Variants in RASA3 observed in about 807,000 individuals in gnomAD.
The protein encoded by RASA3 is ras GTPase-activating protein 3.
RASA3 carries 73 observed loss-of-function variants against 110.0 expected under a neutral mutation model. The ratio of observed to expected loss-of-function variants is 0.66; its 90% CI spans 0.55 to 0.81. The LOEUF (loss-of-function observed/expected upper bound fraction) is 0.81. Among genes scored for constraint, RASA3 ranks in the 30% least tolerant of loss-of-function variants. The pLI is 0.00. For missense variants in RASA3, 976 were observed against 1,113.2 expected (o/e 0.88, Z 1.75); for synonymous variants, 500 against 451.4 (o/e 1.11, Z -1.37).
chr13:114,021,458 C>T lies in RASA3; in HGVS notation c.731G>A (p.Gly244Glu). ...SNLKFGDEFL[G>E]ELRIPLKVLR... ...GACTTTCAACGGGATCCTTAGTTCT[C>T]CCAGGAATTCATCTCCAAACTTCAG... Residue 244 changes from glycine (G) to glutamate (E), a missense_variant, in exon 9 of 24, where the codon GGA (glycine) becomes GAA (glutamate). By Grantham distance (98) the Gly-to-Glu change is moderately conservative. Coordinates refer to ENST00000334062, the MANE Select transcript of RASA3 (RefSeq NM_007368.4). 6.2e-7 allele frequency: 1 copy of T among 1,614,016 alleles called. No individual in the cohort carries two copies. Among genetic ancestry groups the T allele is most frequent in the Non-Finnish European group, 8.5e-7 (1 of 1,180,016 alleles).
At chr13:114,074,114 CTTTAT>C (rs761153133) in intron 1 of RASA3, among the ~76,000 whole-genome samples, 2 of 152,344 alleles carry the variant, frequency 1.3e-5, no homozygotes, top group South Asian at 2.1e-4. Context: ...GCATTAGTCC[CTTTAT>C]TTTAATTTTT....
chr13:114,036,521 G>A (rs1276205105), intron 4 of RASA3, among the ~76,000 whole-genome samples: 1 of 152,118 alleles, frequency 6.6e-6, no homozygotes, highest in Non-Finnish European at 1.5e-5. Context: ...GACTGGAGTT[G>A]TGGGGTTTTT....
intron 1 of RASA3, among the ~76,000 whole-genome samples, chr13:114,074,444 G>C (rs2079633408): frequency 6.6e-6 from 1 of 152,238 alleles, no homozygotes; most frequent in Non-Finnish European, 1.5e-5. Context: ...TGTGGCCGCT[G>C]ACTGGATTCC....
rs893110856 is a variant in RASA3, at chr13:113,978,989, G to C, written c.*358C>G. Reference sequence around the variant, plus strand: ...CGAGACTGACGCACACACGGCCGGAGGTGCATGTCACAGTCGACTAGACGG... The same window carrying C: ...CGAGACTGACGCACACACGGCCGGACGTGCATGTCACAGTCGACTAGACGG... On this transcript the variant is annotated 3_prime_UTR_variant, in exon 24 of 24. Transcript: ENST00000334062. 1 of 317,862 alleles carries C rather than the reference G, an allele frequency of 3.1e-6. No homozygotes were observed. The highest frequency in any genetic ancestry group is 4.5e-5 in the Admixed American group (1 of 22,266). 19.7% of individuals were successfully genotyped at this position (317,862 alleles called of 1,614,324 possible). A position where few individuals can be genotyped will look rare whatever the true frequency, so the allele number is the denominator to read the frequency against.
chr13:114,120,111 CCCCT>C (rs1310322601), intron 1 of RASA3, among the ~76,000 whole-genome samples: 2 of 34,552 alleles, frequency 5.8e-5, no homozygotes, highest in Non-Finnish European at 1.2e-4. Context: ...GATCAGGGCC[CCCCT>C]CCCCTCTCCA....
At chr13:114,082,392 C>T (rs1042076501) in intron 1 of RASA3, among the ~76,000 whole-genome samples, 4 of 152,224 alleles carry the variant, frequency 2.6e-5, no homozygotes, top group African/African-American at 7.2e-5. Flanking sequence ...CCTGGGGAAC[C>T]CTAGTCTCTT....
At chr13:114,116,894 G>A (rs2080284943) in intron 1 of RASA3, among the ~76,000 whole-genome samples, 1 of 132,864 alleles carries the variant, frequency 7.5e-6, no homozygotes, top group African/African-American at 2.7e-5. Context: ...GGGTGCACGT[G>A]TGTGAGGGGT....
intron 2 of RASA3, among the ~76,000 whole-genome samples, chr13:114,060,672 C>T (rs144535155): frequency 2.2e-3 from 335 of 152,340 alleles, no homozygotes; most frequent in Middle Eastern, 0.02. Flanking sequence ...AGGCGAGAGG[C>T]GGGCAGGACG....
At chr13:114,131,350 T>G (rs2080515991) in intron 1 of RASA3, among the ~76,000 whole-genome samples, 1 of 151,918 alleles carries the variant, frequency 6.6e-6, no homozygotes, top group Non-Finnish European at 1.5e-5. Context: ...TGGAAGCCTC[T>G]CCAGCCTGAA....
At chr13:113,994,746 G>A (rs1039712776) in intron 21 of RASA3, among the ~76,000 whole-genome samples, 2 of 152,190 alleles carry the variant, frequency 1.3e-5, no homozygotes, top group African/African-American at 2.4e-5. Context: ...TGAAGTGGGA[G>A]GACTGCTTGA....
intron 12 of RASA3, 144 bp from the exon 13 acceptor site, chr13:114,016,415 T>A: frequency 1.5e-6 from 1 of 669,192 alleles, no homozygotes; most frequent in Non-Finnish European, 2.7e-6. Context: ...ACCCGGCCAC[T>A]GGCACGGAGG....
Position 114,011,010 on chromosome 13 carries a change from C to T in RASA3, c.1590+161G>A, listed in dbSNP as rs181089566. ...AGGGGAGAGGTGAGCGGGACGGGGA[C>T]GCTCAGGTCCTGGGTTTCAAGAGAG... On this transcript the variant is annotated intron_variant, in intron 16 of 23. Coordinates refer to ENST00000334062, the MANE Select transcript of RASA3 (RefSeq NM_007368.4). This position sits in a 1 kb window ranked among gnomAD's most constrained non-coding sequence, Gnocchi z 4.8. Among the ~76,000 whole-genome samples, 29 of 152,220 alleles carry T rather than the reference C, an allele frequency of 1.9e-4. 1 individual carries two copies. The highest frequency in any genetic ancestry group is 6.3e-4 in the African/African-American group (26 of 41,522).
At chr13:113,997,331 G>A (rs959638388) in intron 20 of RASA3, among the ~76,000 whole-genome samples, 6 of 152,150 alleles carry the variant, frequency 3.9e-5, no homozygotes, top group East Asian at 1.9e-4. Context: ...CCTATGTCCC[G>A]GAGACAAAGC....
At chr13:114,055,220 G>A (rs935017608) in intron 2 of RASA3, among the ~76,000 whole-genome samples, 16 of 152,196 alleles carry the variant, frequency 1.1e-4, no homozygotes, top group African/African-American at 3.9e-4. Context: ...TGTGCTCACA[G>A]GCATGTGTGC....
At chr13:114,095,519 T>C (rs1005197625) in intron 1 of RASA3, among the ~76,000 whole-genome samples, 1 of 152,216 alleles carries the variant, frequency 6.6e-6, no homozygotes, top group Non-Finnish European at 1.5e-5. Flanking sequence ...GCTTCCTTGA[T>C]GCAGCCTCAT....
At chr13:114,026,187 G>A (rs1050352122) in intron 7 of RASA3, among the ~76,000 whole-genome samples, 1 of 152,116 alleles carries the variant, frequency 6.6e-6, no homozygotes, top group Non-Finnish European at 1.5e-5. Flanking sequence ...ATGAGCACCC[G>A]TGTGTGGCCG....
At chr13:113,992,640 C>G in intron 21 of RASA3, 52 bp from the exon 22 acceptor site, 3 of 1,284,094 alleles carry the variant, frequency 2.3e-6, no homozygotes, top group Non-Finnish European at 3.3e-6. Context: ...TTAAACGATG[C>G]TTTTAATAAT....
chr13:114,041,200 T>G, intron 3 of RASA3, 106 bp from the exon 4 acceptor site: 2 of 982,844 alleles, frequency 2.0e-6, no homozygotes, highest in South Asian at 1.4e-5. Flanking sequence ...TCCAACAGTT[T>G]AATTCAGAAT....
intron 4 of RASA3, among the ~76,000 whole-genome samples, chr13:114,035,283 G>C (rs764462890): frequency 1.3e-5 from 2 of 152,214 alleles, no homozygotes; most frequent in Non-Finnish European, 2.9e-5. Context: ...GGAAAGGAAC[G>C]AGAGGACCTG....
Sources: gnomAD v4.1 joint callset for allele counts (sites outside exome capture counted in the v4.1 genomes callset) on GRCh38, gnomAD v4.1.1 for gene constraint, Gnocchi (gnomAD v3.1) non-coding constraint, MANE v1.5 for transcripts, NCBI Gene and HGNC (gene_info 2026-07-23, HGNC 2026-07-21) for gene names.